TTC39B: variants seen among roughly 807,000 people sequenced by gnomAD.
TTC39B encodes tetratricopeptide repeat protein 39B.
In TTC39B, 92 loss-of-function variants were observed where a neutral mutation model predicts 96.6. That is an observed-to-expected ratio of 0.95 (90% CI 0.80 to 1.13). The LOEUF (loss-of-function observed/expected upper bound fraction) is 1.13. TTC39B is among the 50% of genes most tolerant of loss of function. TTC39B has a pLI of 0.00. For synonymous variants in TTC39B, 367 were observed against 299.4 expected, an observed-to-expected ratio of 1.23 and a Z score of -2.33; for missense variants, 955 against 809.3, an observed-to-expected ratio of 1.18 and a Z score of -2.18.
chr9:15,265,207 T>TA (rs33912380), intron 2 of TTC39B, among the ~76,000 whole-genome samples: 17 of 151,808 alleles, frequency 1.1e-4, no homozygotes, highest in South Asian at 2.1e-4. Context: ...TAATAGATGT[T>TA]AAAAAAACTG....
chr9:15,167,006 AT>A (rs1564299772), exon 20 of TTC39B: 1 of 5,728 alleles, frequency 1.7e-4, no homozygotes, highest in Non-Finnish European at 3.0e-4. Context: ...ATATATATAT[AT>A]ATATATATAT....
At chr9:15,203,100 G>T (rs149248562) in intron 7 of TTC39B, among the ~76,000 whole-genome samples, 1 of 152,268 alleles carries the variant, frequency 6.6e-6, no homozygotes, top group African/African-American at 2.4e-5. Flanking sequence ...ACTTGACTGA[G>T]GCAAGTGGTG....
chr9:15,192,482 A>C (rs1389917237), intron 9 of TTC39B, 108 bp downstream of exon 9: 1 of 828,178 alleles, frequency 1.2e-6, no homozygotes, highest in Admixed American at 2.4e-5. Flanking sequence ...CTGTTTGTCA[A>C]CCAACCCAAG....
chr9:15,168,795 G>T (rs1483420070), exon 20 of TTC39B: 1 of 125,058 alleles, frequency 8.0e-6, no homozygotes. Context: ...CTGGGTGACA[G>T]AGCGAGACTC....
At chr9:15,233,625 C>T (rs947814636) in intron 2 of TTC39B, among the ~76,000 whole-genome samples, 53 of 152,174 alleles carry the variant, frequency 3.5e-4, no homozygotes, top group Non-Finnish European at 6.9e-4. Flanking sequence ...CCCGAGGTGC[C>T]GGGATTGCAG....
chr9:15,270,407 A>C (rs953541974), intron 1 of TTC39B, among the ~76,000 whole-genome samples: 1 of 150,120 alleles, frequency 6.7e-6, no homozygotes, highest in Non-Finnish European at 1.5e-5. Context: ...CTCCCTCTGC[A>C]CTTACCAACA....
chr9:15,255,538 T>C (rs1336054577), intron 2 of TTC39B, among the ~76,000 whole-genome samples: 1 of 152,026 alleles, frequency 6.6e-6, no homozygotes, highest in Non-Finnish European at 1.5e-5. Flanking sequence ...TCATCTTAGG[T>C]TCCTATTTTT....
intron 1 of TTC39B, among the ~76,000 whole-genome samples, chr9:15,282,479 T>C (rs570656): frequency 0.017 from 2,639 of 152,352 alleles, 85 homozygotes; most frequent in African/African-American, 0.061. Flanking sequence ...TCTTAGCACG[T>C]ACTCTTAACA....
chr9:15,198,211 C>T (rs1276140429), intron 8 of TTC39B, among the ~76,000 whole-genome samples: 1 of 152,108 alleles, frequency 6.6e-6, no homozygotes, highest in African/African-American at 2.4e-5. Context: ...GTAATCCCAG[C>T]GCTTTGGGAG....
At chr9:15,228,136 G>T (rs1821226953) in intron 2 of TTC39B, among the ~76,000 whole-genome samples, 1 of 151,876 alleles carries the variant, frequency 6.6e-6, no homozygotes, top group African/African-American at 2.4e-5. Flanking sequence ...CATAAATTTG[G>T]TGTGCCAGGT....
chr9:15,225,180 A>C (rs1346779172), intron 3 of TTC39B, among the ~76,000 whole-genome samples: 1 of 152,180 alleles, frequency 6.6e-6, no homozygotes, highest in Non-Finnish European at 1.5e-5. Context: ...AAAAATATCT[A>C]ATGGAAGGGG....
intron 13 of TTC39B, among the ~76,000 whole-genome samples, chr9:15,188,463 G>C (rs954162124): frequency 6.6e-6 from 1 of 152,106 alleles, no homozygotes; most frequent in Non-Finnish European, 1.5e-5. Context: ...CAGAGTTACA[G>C]GCAACAGACA....
intron 7 of TTC39B, among the ~76,000 whole-genome samples, chr9:15,202,179 C>G (rs1422212199): frequency 6.6e-6 from 1 of 152,126 alleles, no homozygotes; most frequent in African/African-American, 2.4e-5. Flanking sequence ...ATAAAATAAG[C>G]CTTCAAATCC....
At chr9:15,174,506 G>A (rs1360795622) in intron 19 of TTC39B, among the ~76,000 whole-genome samples, 2 of 152,136 alleles carry the variant, frequency 1.3e-5, no homozygotes, top group Non-Finnish European at 2.9e-5. Context: ...AAAAAACAGA[G>A]TCTGGGTAAG....
intron 1 of TTC39B, among the ~76,000 whole-genome samples, chr9:15,282,852 C>T (rs912540787): frequency 6.6e-6 from 1 of 152,186 alleles, no homozygotes; most frequent in African/African-American, 2.4e-5. Flanking sequence ...ATCTGATCTA[C>T]ACTCATTCTC....
chr9:15,214,336 GTGTGTGTGTGTC>G lies in TTC39B; in HGVS notation c.372-99_372-88del, dbSNP rs1190629211. The stretch of plus-strand genomic sequence containing the variant: ...AGGGAGTGTGTGTGTGTGTGTGTGT[GTGTGTGTGTGTC>G]TGTGTGTGTGTGTCTGTGTGTGTGT... On this transcript the variant is annotated intron_variant, in intron 3 of 19. Transcript: ENST00000512701. 95 of 812,168 alleles carry G rather than the reference GTGTGTGTGTGTC, an allele frequency of 1.2e-4. No homozygotes were observed. The African/African-American group carries it at 1.2e-3, about 11-fold the overall frequency. 50.3% of individuals were successfully genotyped at this position (812,168 alleles called of 1,614,324 possible). A position where few individuals can be genotyped will look rare whatever the true frequency, so the allele number is the denominator to read the frequency against.
chr9:15,285,580 A>T (rs553465065), intron 1 of TTC39B, among the ~76,000 whole-genome samples: 122 of 152,238 alleles, frequency 8.0e-4, no homozygotes, highest in Non-Finnish European at 1.2e-3. Context: ...ACAGGCCGGG[A>T]GCGGTGGCTC....
chr9:15,252,607 T>C (rs551626257), intron 2 of TTC39B, among the ~76,000 whole-genome samples: 94 of 151,880 alleles, frequency 6.2e-4, no homozygotes, highest in African/African-American at 2.2e-3. Context: ...AAGATGGCGC[T>C]ATGGCACTCC....
In TTC39B at chr9:15,306,809, T is replaced by G. The variant is rs1767739413; in HGVS notation, c.240+275A>C. On this transcript the variant is annotated intron_variant, in intron 1 of 19. Transcript: ENST00000512701. This position sits in a 1 kb window ranked among gnomAD's most constrained non-coding sequence, Gnocchi z 5.1. ...TCCCGCGCCCTCACGCCCATCCAAG[T>G]GCTGGCAGGACGTGGGTCCTCCATC... is the stretch of plus-strand genomic sequence containing the variant. 1.3e-5 allele frequency among the ~76,000 whole-genome samples: 2 copies of G among 152,074 alleles called. No homozygotes were observed. Among genetic ancestry groups the G allele is most frequent in the African/African-American group, 4.8e-5 (2 of 41,444 alleles).
Sources: allele counts gnomAD v4.1 joint callset (sites outside exome capture counted in the v4.1 genomes callset), GRCh38; gene constraint gnomAD v4.1.1; non-coding constraint Gnocchi (gnomAD v3.1); transcripts MANE v1.5; gene names NCBI Gene and HGNC (gene_info 2026-07-23, HGNC 2026-07-21).